Variants in CWC27 observed in about 807,000 individuals in gnomAD.
CWC27 encodes CWC27 spliceosome associated cyclophilin.
In CWC27, 47 loss-of-function variants were observed where a neutral mutation model predicts 63.6. The observed-to-expected ratio is 0.74, with a 90% CI of 0.58 to 0.94. The LOEUF (loss-of-function observed/expected upper bound fraction) is 0.94. CWC27 is among the 40% of genes least tolerant of loss of function. The pLI is 0.00. For missense variants in CWC27, 495 were observed against 554.3 expected (o/e 0.89, Z 1.07); for synonymous variants, 175 against 179.8 (o/e 0.97, Z 0.22).
At chr5:64,778,736 A>T (rs1743547599) in intron 2 of CWC27, among the ~76,000 whole-genome samples, 2 of 152,190 alleles carry the variant, frequency 1.3e-5, no homozygotes, top group South Asian at 4.1e-4. Flanking sequence ...AACTGATGAA[A>T]TGGTTACCTA....
At chr5:64,955,951 A>G (rs1158866397) in intron 11 of CWC27, among the ~76,000 whole-genome samples, 1 of 152,120 alleles carries the variant, frequency 6.6e-6, no homozygotes, top group Non-Finnish European at 1.5e-5. Context: ...TCACCTTTGC[A>G]CTTGCAGTCA....
intron 8 of CWC27, 139 bp downstream of exon 8, chr5:64,800,466 C>T: frequency 1.8e-6 from 1 of 557,456 alleles, no homozygotes; most frequent in East Asian, 3.1e-5. Flanking sequence ...ATTTTGATAA[C>T]AGAGATAGAG....
intron 11 of CWC27, among the ~76,000 whole-genome samples, chr5:64,919,201 T>G (rs1056887592): frequency 5.3e-5 from 8 of 152,228 alleles, no homozygotes; most frequent in African/African-American, 1.9e-4. Flanking sequence ...AATTAATAAA[T>G]AATTTTGTTG....
chr5:64,814,963 GAAGGTATATTTCAAATATACCA>G (rs1266203193), intron 10 of CWC27, among the ~76,000 whole-genome samples: 2 of 152,072 alleles, frequency 1.3e-5, no homozygotes, highest in African/African-American at 2.4e-5. Context: ...TAGGAGACCT[GAAGGTATATTTCAAATATACCA>G]AAGGTATATT....
rs187239369 is a variant in CWC27, at chr5:64,771,707, A to G, written c.42+2519A>G. On this transcript the variant is annotated intron_variant, in intron 1 of 13. Transcript: ENST00000381070. ...ATATTTGCATATATGTTTATAAGAA[A>G]CATGATATTATCAAGGTATTAATTG... Among the ~76,000 whole-genome samples, 250 of 152,340 alleles carry G rather than the reference A, an allele frequency of 1.6e-3. 1 individual carries two copies. Among genetic ancestry groups the G allele is most frequent in the African/African-American group, 5.7e-3 (236 of 41,584 alleles).
chr5:64,912,442 C>T (rs1313662292), intron 11 of CWC27, among the ~76,000 whole-genome samples: 3 of 151,916 alleles, frequency 2.0e-5, no homozygotes, highest in Non-Finnish European at 4.4e-5. Context: ...ACAAGGTGTT[C>T]AAAGGCAAGA....
At chr5:64,796,537 T>C (rs1423390234) in intron 7 of CWC27, among the ~76,000 whole-genome samples, 1 of 152,102 alleles carries the variant, frequency 6.6e-6, no homozygotes, top group East Asian at 1.9e-4. Flanking sequence ...CATTATGGAG[T>C]GTAATCTGCT....
At chr5:64,828,377 G>A (rs540923139) in intron 10 of CWC27, among the ~76,000 whole-genome samples, 9 of 152,110 alleles carry the variant, frequency 5.9e-5, no homozygotes, top group African/African-American at 1.4e-4. Flanking sequence ...GTCTTAGTCC[G>A]TTTGGACTCC....
At chr5:65,002,410 T>C (rs1325579280) in intron 13 of CWC27, among the ~76,000 whole-genome samples, 2 of 152,120 alleles carry the variant, frequency 1.3e-5, no homozygotes, top group East Asian at 3.8e-4. Flanking sequence ...TTCTACTTTT[T>C]TGATGTTGGT....
chr5:64,802,981 A>G (rs189307961), intron 9 of CWC27, among the ~76,000 whole-genome samples: 1 of 152,262 alleles, frequency 6.6e-6, no homozygotes, highest in East Asian at 1.9e-4. Flanking sequence ...TTTTTTTTAG[A>G]TCTCCTGAGG....
intron 11 of CWC27, among the ~76,000 whole-genome samples, chr5:64,905,058 G>A (rs577799266): frequency 7.2e-5 from 11 of 151,818 alleles, no homozygotes; most frequent in Non-Finnish European, 1.5e-4. Flanking sequence ...AAAGTTAGCC[G>A]GGCATGGTGG....
chr5:64,909,362 T>G (rs929765395), intron 11 of CWC27, among the ~76,000 whole-genome samples: 3 of 152,162 alleles, frequency 2.0e-5, no homozygotes, highest in African/African-American at 7.2e-5. Flanking sequence ...CTGGCTGCCC[T>G]TAACATTTTT....
intron 11 of CWC27, among the ~76,000 whole-genome samples, chr5:64,958,340 A>G (rs1277675322): frequency 6.6e-6 from 1 of 152,134 alleles, no homozygotes; most frequent in Non-Finnish European, 1.5e-5. Flanking sequence ...GGCTTCTCGT[A>G]AAACCTGTTT....
At position 64,783,983 on chromosome 5, in the gene CWC27, A is replaced by G. The variant is rs1171832837; in HGVS notation, c.396+4A>G. The G allele has an allele frequency of 1.9e-6, 3 of 1,566,012 alleles. No homozygotes were observed. Among genetic ancestry groups the G allele is most frequent in the South Asian group, 1.2e-5 (1 of 82,708 alleles). ...TAAGCATACCATCTTTGGAAAGGTT[A>G]GTGTCCAGTGATTTTAAACCTGTGG... On this transcript the variant is annotated splice_donor_region_variant and intron_variant, in intron 4 of 13. Coordinates refer to ENST00000381070, the MANE Select transcript of CWC27 (RefSeq NM_005869.4).
chr5:64,918,506 T>C (rs1217376449), intron 11 of CWC27, among the ~76,000 whole-genome samples: 1 of 152,136 alleles, frequency 6.6e-6, no homozygotes, highest in Non-Finnish European at 1.5e-5. Context: ...ATCCAATATA[T>C]ATTTCAAAAC....
At chr5:65,014,264 A>G (rs1750013988) in intron 13 of CWC27, among the ~76,000 whole-genome samples, 1 of 147,738 alleles carries the variant, frequency 6.8e-6, no homozygotes, top group African/African-American at 2.5e-5. Flanking sequence ...GATATATATA[A>G]TATATACCAT....
At chr5:64,917,082 T>G (rs1376138915) in intron 11 of CWC27, among the ~76,000 whole-genome samples, 3 of 152,170 alleles carry the variant, frequency 2.0e-5, no homozygotes, top group Non-Finnish European at 4.4e-5. Flanking sequence ...AAAGTCCCCA[T>G]GTACCTATAA....
At chr5:64,972,018 G>A (rs17202911) in intron 12 of CWC27, among the ~76,000 whole-genome samples, 2,160 of 152,264 alleles carry the variant, frequency 0.014, 14 homozygotes, top group Non-Finnish European at 0.022. Context: ...TGGTGAAAAA[G>A]CCTGGAACTT....
chr5:65,004,674 C>A (rs759790655), intron 13 of CWC27, among the ~76,000 whole-genome samples: 1 of 149,586 alleles, frequency 6.7e-6, no homozygotes, highest in African/African-American at 2.4e-5. Flanking sequence ...ATTTTAAATT[C>A]TTTTAGTCAT....
Sources: allele counts gnomAD v4.1 joint callset (sites outside exome capture counted in the v4.1 genomes callset), GRCh38; gene constraint gnomAD v4.1.1; transcripts MANE v1.5; gene names NCBI Gene and HGNC (gene_info 2026-07-23, HGNC 2026-07-21).